Variants in SLC35F3 observed in about 807,000 individuals in gnomAD.
The protein encoded by SLC35F3 is solute carrier family 35 member F3.
SLC35F3 carries 25 observed loss-of-function variants against 49.9 expected under a neutral mutation model. The ratio of observed to expected loss-of-function variants is 0.50; its 90% CI spans 0.37 to 0.70. The LOEUF is 0.70. Among genes scored for constraint, SLC35F3 ranks in the 30% least tolerant of loss-of-function variants. SLC35F3 has a pLI of 0.00. For synonymous variants in SLC35F3, 275 were observed against 265.4 expected (o/e 1.04, Z -0.35); for missense variants, 525 against 639.8 (o/e 0.82, Z 1.94).
At chr1:234,316,250 T>G (rs1300131735) in intron 4 of SLC35F3, among the ~76,000 whole-genome samples, 1 of 152,218 alleles carries the variant, frequency 6.6e-6, no homozygotes, top group Non-Finnish European at 1.5e-5. Flanking sequence ...CCAGGGATTA[T>G]CTACCAGGCT....
intron 1 of SLC35F3, 128 bp from the exon 2 acceptor site, chr1:233,905,401 G>A: frequency 1.3e-6 from 1 of 763,546 alleles, no homozygotes; most frequent in Non-Finnish European, 2.1e-6. Context: ...GCTCTGCCGC[G>A]GCGCTCGCCC....
At chr1:233,973,004 A>C (rs533662874) in intron 2 of SLC35F3, among the ~76,000 whole-genome samples, 1 of 152,294 alleles carries the variant, frequency 6.6e-6, no homozygotes, top group African/African-American at 2.4e-5. Context: ...CCCCAGGCTC[A>C]TCATAGCTCT....
In SLC35F3 at chr1:234,236,272, C is replaced by T. The variant is rs529735301; in HGVS notation, c.608+4531C>T. On this transcript the variant is annotated intron_variant, in intron 3 of 7. Transcript: ENST00000366618. ...CCTTGGCAACATGGCAAAACCCTGT[C>T]TCTACTAAAAATACTAAAAATTAGC... Among the ~76,000 whole-genome samples, 8 of 152,112 alleles carry T rather than the reference C, an allele frequency of 5.3e-5. No homozygotes were observed. In the South Asian group the frequency reaches 1.7e-3, roughly 32 times the overall value.
intron 2 of SLC35F3, among the ~76,000 whole-genome samples, chr1:233,936,766 G>A (rs1329758503): frequency 6.6e-6 from 1 of 151,950 alleles, no homozygotes; most frequent in Non-Finnish European, 1.5e-5. Context: ...ATGGTTCACT[G>A]CAGCCTTGAC....
intron 2 of SLC35F3, among the ~76,000 whole-genome samples, chr1:233,938,771 C>T (rs368372323): frequency 1.3e-5 from 2 of 151,902 alleles, no homozygotes; most frequent in South Asian, 4.2e-4. Context: ...GATGGATAGA[C>T]ACAGAGGAAC....
intron 2 of SLC35F3, among the ~76,000 whole-genome samples, chr1:234,022,159 G>T (rs1241408217): frequency 6.6e-6 from 1 of 152,170 alleles, no homozygotes; most frequent in Non-Finnish European, 1.5e-5. Flanking sequence ...ATGTCAGGAA[G>T]CATGATTCCC....
At chr1:233,930,359 C>T (rs1662223307) in intron 2 of SLC35F3, among the ~76,000 whole-genome samples, 1 of 152,108 alleles carries the variant, frequency 6.6e-6, no homozygotes, top group Non-Finnish European at 1.5e-5. Context: ...ATTGGGTGCT[C>T]ATCAAAAATC....
chr1:234,155,752 A>G (rs1666141692), intron 2 of SLC35F3, among the ~76,000 whole-genome samples: 1 of 150,918 alleles, frequency 6.6e-6, no homozygotes, highest in Non-Finnish European at 1.5e-5. Flanking sequence ...CAAAGATAGG[A>G]GAGTTAGAAC....
intron 2 of SLC35F3, among the ~76,000 whole-genome samples, chr1:233,936,271 T>C (rs1235962758): frequency 6.6e-6 from 1 of 152,180 alleles, no homozygotes; most frequent in Non-Finnish European, 1.5e-5. Context: ...TATTGATATT[T>C]TGGTAATTGT....
At chr1:234,077,293 C>A (rs954169568) in intron 2 of SLC35F3, among the ~76,000 whole-genome samples, 1 of 152,124 alleles carries the variant, frequency 6.6e-6, no homozygotes, top group Non-Finnish European at 1.5e-5. Context: ...CGTGAGCCAC[C>A]GCGCCCGGCC....
chr1:234,121,615 C>T (rs1665575209), intron 2 of SLC35F3, among the ~76,000 whole-genome samples: 2 of 151,556 alleles, frequency 1.3e-5, no homozygotes. Context: ...GCACAACATG[C>T]AGGTTTGTTA....
intron 2 of SLC35F3, among the ~76,000 whole-genome samples, chr1:234,123,271 A>C (rs528349231): frequency 6.6e-6 from 1 of 152,240 alleles, no homozygotes; most frequent in East Asian, 1.9e-4. Context: ...TCTTCTTTTG[A>C]GAAGTGTCTG....
intron 2 of SLC35F3, among the ~76,000 whole-genome samples, chr1:234,107,969 A>C (rs1282812414): frequency 6.6e-6 from 1 of 151,864 alleles, no homozygotes; most frequent in East Asian, 1.9e-4. Context: ...CAGAACTATT[A>C]GCAGTCAGCT....
intron 2 of SLC35F3, among the ~76,000 whole-genome samples, chr1:234,206,943 G>T (rs1004775480): frequency 6.6e-6 from 1 of 152,002 alleles, no homozygotes; most frequent in South Asian, 2.1e-4. Context: ...GTCTTCCTCC[G>T]ACTCAAGCCC....
At chr1:234,212,140 C>T (rs57166629) in intron 2 of SLC35F3, among the ~76,000 whole-genome samples, 16,444 of 152,216 alleles carry the variant, frequency 0.11, 1,799 homozygotes, top group African/African-American at 0.29. Context: ...TCCCCAGCCA[C>T]GTGGAAATAT....
intron 2 of SLC35F3, among the ~76,000 whole-genome samples, chr1:233,953,604 A>C (rs544398352): frequency 6.6e-6 from 1 of 152,342 alleles, no homozygotes; most frequent in South Asian, 2.1e-4. Context: ...AGATGGATGC[A>C]CCACGCTGCC....
chr1:234,127,289 A>G (rs1665664022), intron 2 of SLC35F3, among the ~76,000 whole-genome samples: 1 of 152,214 alleles, frequency 6.6e-6, no homozygotes, highest in African/African-American at 2.4e-5. Context: ...TTATATTTGC[A>G]TAACTCTTCA....
chr1:234,297,005 C>T (rs866451734), intron 3 of SLC35F3, among the ~76,000 whole-genome samples: 2 of 152,152 alleles, frequency 1.3e-5, no homozygotes, highest in Non-Finnish European at 1.5e-5. Flanking sequence ...CCTGAATAGA[C>T]ATTTCTCCAA....
At chr1:233,996,616 C>A (rs1011881967) in intron 2 of SLC35F3, among the ~76,000 whole-genome samples, 2 of 152,148 alleles carry the variant, frequency 1.3e-5, no homozygotes, top group African/African-American at 4.8e-5. Flanking sequence ...TGTGCCATGG[C>A]AAGGCATTTA....
Sources: allele counts gnomAD v4.1 joint callset (sites outside exome capture counted in the v4.1 genomes callset), GRCh38; gene constraint gnomAD v4.1.1; transcripts MANE v1.5; gene names NCBI Gene and HGNC (gene_info 2026-07-23, HGNC 2026-07-21).